PDE8B: variants seen among roughly 807,000 people sequenced by gnomAD.
PDE8B encodes phosphodiesterase 8B.
A neutral mutation model predicts 101.3 loss-of-function variants in PDE8B; 26 were observed. That is an observed-to-expected ratio of 0.26 (90% confidence interval 0.19 to 0.36). PDE8B has a LOEUF of 0.36. PDE8B is among the 10% of genes least tolerant of loss of function. The probability of loss-of-function intolerance (pLI) is 1.00; values close to 1 mark genes in which losing one functional copy is unlikely to be tolerated. For missense variants in PDE8B, 810 were observed against 1,163.1 expected, an observed-to-expected ratio of 0.70 and a Z score of 4.42; for synonymous variants, 424 against 429.3, an observed-to-expected ratio of 0.99 and a Z score of 0.15.
At chr5:77,382,005 A>T (rs973745652) in intron 10 of PDE8B, among the ~76,000 whole-genome samples, 3 of 151,976 alleles carry the variant, frequency 2.0e-5, no homozygotes, top group African/African-American at 7.3e-5. Flanking sequence ...GGCTGTTCTG[A>T]TTTCGTCTTG....
chr5:77,121,917 G>A, the PDE8B span, among the ~76,000 whole-genome samples: 8 of 152,188 alleles, frequency 5.3e-5, no homozygotes, highest in Admixed American at 2.0e-4. Context: ...TTTGTGCTCT[G>A]CATTAAGTCC....
At chr5:77,425,008 C>T (rs993582087) in intron 20 of PDE8B, among the ~76,000 whole-genome samples, 14 of 152,134 alleles carry the variant, frequency 9.2e-5, no homozygotes, top group Admixed American at 3.9e-4. Flanking sequence ...TTTTTAAGTG[C>T]AAACATGTGG....
At chr5:77,189,943 T>C in the PDE8B span, among the ~76,000 whole-genome samples, 2 of 152,176 alleles carry the variant, frequency 1.3e-5, no homozygotes, top group South Asian at 4.1e-4. Context: ...AGATTCTGAA[T>C]CAGTTTTGTA....
At position 77,210,702 on chromosome 5, in the gene PDE8B, G is replaced by A. The variant is rs1478681048; in HGVS notation, c.-224G>A. The A allele has an allele frequency of 5.1e-6, 5 of 980,988 alleles. No homozygotes were observed. Among genetic ancestry groups the A allele is most frequent in the Non-Finnish European group, 4.8e-6 (4 of 828,072 alleles). The allele number at this position is 980,988 out of a possible 1,614,324, so 60.8% of individuals were successfully genotyped here. On this transcript the variant is annotated 5_prime_UTR_variant, in exon 1 of 22. Transcript: ENST00000264917. The surrounding 1 kb of genome is among the most constrained non-coding windows in gnomAD (Gnocchi z 4.9). ...GCTGTGTATGCGCGCTCCCCCGCTC[G>A]GGGAGGAAGATGGCCCAAAAGGGAA...
At chr5:77,223,180 G>C (rs1403038257) in intron 1 of PDE8B, among the ~76,000 whole-genome samples, 1 of 151,760 alleles carries the variant, frequency 6.6e-6, no homozygotes, top group African/African-American at 2.4e-5. Context: ...ATATTATTTT[G>C]ACATGTACTC....
At chr5:77,320,859 C>T (rs1227504479) in intron 2 of PDE8B, among the ~76,000 whole-genome samples, 1 of 151,890 alleles carries the variant, frequency 6.6e-6, no homozygotes, top group East Asian at 1.9e-4. Flanking sequence ...AAAAAATGGC[C>T]ATGTCAAAGA....
At chr5:77,293,986 A>T (rs1022281282) in intron 1 of PDE8B, among the ~76,000 whole-genome samples, 5 of 152,162 alleles carry the variant, frequency 3.3e-5, no homozygotes, top group Non-Finnish European at 5.9e-5. Flanking sequence ...TTCTCTCCTC[A>T]TATGTGGTTT....
At chr5:77,425,214 G>C (rs1797774503) in intron 20 of PDE8B, among the ~76,000 whole-genome samples, 1 of 152,154 alleles carries the variant, frequency 6.6e-6, no homozygotes. Flanking sequence ...TCCCAGAAAA[G>C]GGGCTAAGTA....
In PDE8B at chr5:77,361,517, T is replaced by C. The variant is rs546947583; in HGVS notation, c.1167+8111T>C. ...CTTTGTTATTTGTCTTTCATCTTACTTTTTTTTTTTTTTTTGACATGGAGT... is the reference window on the plus strand; with the variant it reads ...CTTTGTTATTTGTCTTTCATCTTACCTTTTTTTTTTTTTTTGACATGGAGT... On this transcript the variant is annotated intron_variant, in intron 10 of 21. Coordinates refer to ENST00000264917, the MANE Select transcript of PDE8B (RefSeq NM_003719.5). Among the ~76,000 whole-genome samples the C allele has an allele frequency of 5.5e-3, 457 of 83,756 alleles. 5 individuals are homozygous for C. The East Asian group carries it at 0.14, about 26-fold the overall frequency. The allele number at this position is 83,756 out of a possible 152,430, so 54.9% of individuals were successfully genotyped here.
At chr5:77,124,222 A>T in the PDE8B span, among the ~76,000 whole-genome samples, 3 of 152,186 alleles carry the variant, frequency 2.0e-5, no homozygotes, top group African/African-American at 4.8e-5. Context: ...TCAAGAGAAA[A>T]ATTGGTCACA....
chr5:77,269,828 T>C (rs1052966986), intron 1 of PDE8B, among the ~76,000 whole-genome samples: 1 of 152,228 alleles, frequency 6.6e-6, no homozygotes, highest in Non-Finnish European at 1.5e-5. Context: ...TCCATTGCTC[T>C]ATGTGTCCGT....
In PDE8B at chr5:77,291,289, A is replaced by G. The variant is rs556804394; in HGVS notation, c.340-20705A>G. On this transcript the variant is annotated intron_variant, in intron 1 of 21. Coordinates refer to ENST00000264917, the MANE Select transcript of PDE8B (RefSeq NM_003719.5). ...AACCCATGGGACCCTAATGTTCTCT[A>G]TGGGCCACTCCACACCAAGCAGGCA... 91 of 1,613,054 alleles carry G rather than the reference A, an allele frequency of 5.6e-5. 1 individual carries two copies. In the South Asian group the frequency reaches 8.6e-4, roughly 15 times the overall value.
chr5:77,262,907 C>A (rs911415415), intron 1 of PDE8B, among the ~76,000 whole-genome samples: 2 of 152,242 alleles, frequency 1.3e-5, no homozygotes, highest in African/African-American at 4.8e-5. Flanking sequence ...GAGTACGCAT[C>A]AGATTTTCAC....
At chr5:77,425,161 A>G (rs1294490959) in intron 20 of PDE8B, among the ~76,000 whole-genome samples, 2 of 152,240 alleles carry the variant, frequency 1.3e-5, no homozygotes, top group Non-Finnish European at 2.9e-5. Context: ...TTGTGTTTGT[A>G]TGACATTGAA....
chr5:77,311,065 G>A (rs1163339584), intron 1 of PDE8B, among the ~76,000 whole-genome samples: 3 of 152,136 alleles, frequency 2.0e-5, no homozygotes, highest in Admixed American at 6.5e-5. Context: ...TGCTGAAGGC[G>A]CTCCTTCAGA....
chr5:77,347,106 C>T lies in PDE8B; in HGVS notation c.876+2175C>T, dbSNP rs1780282933. ...CCCTCCTTTCCTTCCTGTCTTCCTC[C>T]ATGCCCCCATCTATCTAAACTCTAT... On this transcript the variant is annotated intron_variant, in intron 7 of 21. Coordinates refer to ENST00000264917, the MANE Select transcript of PDE8B (RefSeq NM_003719.5). Among the ~76,000 whole-genome samples, 3 of 152,174 alleles carry T rather than the reference C, an allele frequency of 2.0e-5. No individual in the cohort carries two copies. In the South Asian group the frequency reaches 6.2e-4, roughly 32 times the overall value.
rs1581658042 is a variant in PDE8B, at chr5:77,425,618, A to G, written c.2419-149A>G. 4 of 770,804 alleles carry G rather than the reference A, an allele frequency of 5.2e-6. No individual in the cohort carries two copies. The East Asian group carries it at 1.1e-4, about 20-fold the overall frequency. 47.7% of individuals were successfully genotyped at this position (770,804 alleles called of 1,614,324 possible). On this transcript the variant is annotated intron_variant, in intron 20 of 21. Coordinates refer to ENST00000264917, the MANE Select transcript of PDE8B (RefSeq NM_003719.5). ...GTAGTCAGTGTAGCTCAGCTGACTT[A>G]CGTAAGTCTGAGGACCTTGCTGAGC...
chr5:77,349,078 G>T (rs1780637115), intron 7 of PDE8B, among the ~76,000 whole-genome samples: 1 of 152,102 alleles, frequency 6.6e-6, no homozygotes, highest in Non-Finnish European at 1.5e-5. Context: ...TATTCATGGG[G>T]CGGTAGATGG....
intron 1 of PDE8B, among the ~76,000 whole-genome samples, chr5:77,298,503 G>A (rs1222790851): frequency 3.9e-5 from 6 of 152,222 alleles, no homozygotes; most frequent in Non-Finnish European, 7.3e-5. Context: ...TGGAGGGGGC[G>A]AGGCAAGTCT....
Sources: gnomAD v4.1 joint callset for allele counts (sites outside exome capture counted in the v4.1 genomes callset) on GRCh38, gnomAD v4.1.1 for gene constraint, Gnocchi (gnomAD v3.1) non-coding constraint, MANE v1.5 for transcripts, NCBI Gene and HGNC (gene_info 2026-07-23, HGNC 2026-07-21) for gene names.